SLC38A9: variants seen among roughly 807,000 people sequenced by gnomAD.
SLC38A9 encodes solute carrier family 38 member 9, also known as neutral amino acid transporter 9.
In SLC38A9, 48 loss-of-function variants were observed where a neutral mutation model predicts 62.3. The ratio of observed to expected loss-of-function variants is 0.77; its 90% CI spans 0.61 to 0.98. The LOEUF is 0.98. Among genes scored for constraint, SLC38A9 ranks in the 50% least tolerant of loss-of-function variants. SLC38A9 has a pLI of 0.00. For missense variants in SLC38A9, 541 were observed against 679.8 expected, an observed-to-expected ratio of 0.80 and a Z score of 2.27; for synonymous variants, 204 against 227.7, an observed-to-expected ratio of 0.90 and a Z score of 0.94.
chr5:55,698,843 G>T (rs767397091), intron 2 of SLC38A9, among the ~76,000 whole-genome samples: 1 of 152,058 alleles, frequency 6.6e-6, no homozygotes, highest in Non-Finnish European at 1.5e-5. Context: ...AGGCTGAAGC[G>T]GGAGGATTGC....
intron 8 of SLC38A9, chr5:55,658,042 C>T (rs1748766659): frequency 6.6e-6 from 1 of 152,174 alleles, no homozygotes; most frequent in South Asian, 2.1e-4. Context: ...AATTTATGTC[C>T]ACTAGAAACC....
At chr5:55,663,158 G>A (rs952159812) in intron 8 of SLC38A9, among the ~76,000 whole-genome samples, 8 of 151,826 alleles carry the variant, frequency 5.3e-5, no homozygotes, top group South Asian at 2.1e-4. Flanking sequence ...TCCTCCCAAA[G>A]TGCTGCGATT....
Position 55,645,827 on chromosome 5 carries a change from T to C in SLC38A9, c.1129A>G (p.Ile377Val). 1.2e-6 allele frequency: 2 copies of C among 1,612,144 alleles called. No homozygotes were observed. The highest frequency in any genetic ancestry group is 1.7e-6 in the Non-Finnish European group (2 of 1,179,172). ...TTCTTGTTGTTCTTCAAGAGTGTGA[T>C]GATACAATTATGAATAAAAAAAGCA... ...TLAFFIHNCI[I>V]TLLKNNKKQE... The change falls in exon 12 of 16, where the codon ATC becomes GTC. Residue 377 changes from isoleucine (I) to valine (V), a missense_variant. By Grantham distance (29) the Ile-to-Val change is conservative (BLOSUM62 3). Transcript: ENST00000396865.
intron 12 of SLC38A9, among the ~76,000 whole-genome samples, chr5:55,642,610 CT>C (rs1213813260): frequency 1.3e-5 from 2 of 152,090 alleles, no homozygotes; most frequent in African/African-American, 4.8e-5. Context: ...CAAGAACAGA[CT>C]GTAAATATCA....
intron 10 of SLC38A9, among the ~76,000 whole-genome samples, chr5:55,650,837 G>A (rs530152679): frequency 5.3e-5 from 8 of 152,278 alleles, no homozygotes; most frequent in Non-Finnish European, 7.3e-5. Flanking sequence ...TGTTGCCCAC[G>A]CTGGAGTGCA....
In SLC38A9 at chr5:55,680,972, C is replaced by T. The variant is rs552885379; in HGVS notation, c.114-8277G>A. On this transcript the variant is annotated intron_variant, in intron 3 of 15. Transcript: ENST00000396865. ...TGCCCTGCCAACTGGCTCCTATCAA[C>T]TAATTTTTATCCATAGGAAAGTTTT... Among the ~76,000 whole-genome samples the T allele has an allele frequency of 2.0e-5, 3 of 152,262 alleles. No homozygotes were observed. The South Asian group carries it at 6.2e-4, about 32-fold the overall frequency.
chr5:55,674,951 A>G (rs1751875028), intron 3 of SLC38A9, among the ~76,000 whole-genome samples: 1 of 152,210 alleles, frequency 6.6e-6, no homozygotes, highest in African/African-American at 2.4e-5. Context: ...GTCACACTCT[A>G]TAGTGCATTC....
chr5:55,654,861 A>T (rs1223560309), intron 9 of SLC38A9, among the ~76,000 whole-genome samples: 1 of 151,670 alleles, frequency 6.6e-6, no homozygotes, highest in Non-Finnish European at 1.5e-5. Flanking sequence ...TTTTTTTTTG[A>T]GACAGGATCT....
chr5:55,636,380 T>C (rs181733707), intron 12 of SLC38A9, among the ~76,000 whole-genome samples: 7 of 152,326 alleles, frequency 4.6e-5, no homozygotes, highest in Non-Finnish European at 1.0e-4. Context: ...AGCTCCAAGA[T>C]ATTTAATGTA....
intron 14 of SLC38A9, among the ~76,000 whole-genome samples, chr5:55,631,141 C>T (rs767473662): frequency 3.3e-5 from 5 of 151,910 alleles, no homozygotes; most frequent in Admixed American, 6.6e-5. Context: ...CTCAAAAAAA[C>T]GAAAAACAAA....
At chr5:55,629,159 A>G (rs1049439923) in intron 14 of SLC38A9, among the ~76,000 whole-genome samples, 1 of 152,160 alleles carries the variant, frequency 6.6e-6, no homozygotes, top group Non-Finnish European at 1.5e-5. Flanking sequence ...CTTTGTATAC[A>G]CAGAGGGAGG....
At chr5:55,663,184 C>T (rs891775067) in intron 8 of SLC38A9, among the ~76,000 whole-genome samples, 4 of 150,354 alleles carry the variant, frequency 2.7e-5, no homozygotes, top group African/African-American at 7.3e-5. Flanking sequence ...CGTGGGCCAC[C>T]GTGCCTGGCC....
At chr5:55,671,531 G>T (rs545065844) in intron 4 of SLC38A9, among the ~76,000 whole-genome samples, 190 of 149,144 alleles carry the variant, frequency 1.3e-3, no homozygotes, top group Admixed American at 1.9e-3. Flanking sequence ...AAGAGATGGG[G>T]TCACATGGCC....
intron 11 of SLC38A9, among the ~76,000 whole-genome samples, chr5:55,647,870 A>G (rs935043768): frequency 7.2e-5 from 11 of 152,218 alleles, no homozygotes; most frequent in African/African-American, 2.7e-4. Flanking sequence ...TGAATAGCAT[A>G]TTCACAGAGT....
intron 13 of SLC38A9, 43 bp downstream of exon 13, chr5:55,635,501 G>C: frequency 1.5e-6 from 2 of 1,370,854 alleles, no homozygotes; most frequent in East Asian, 2.3e-5. Flanking sequence ...ATAAATACAT[G>C]AAAGTGTACA....
intron 15 of SLC38A9, 60 bp downstream of exon 15, chr5:55,627,831 G>C: frequency 9.7e-7 from 1 of 1,028,044 alleles, no homozygotes; most frequent in African/African-American, 1.6e-5. Flanking sequence ...ACAACAACAG[G>C]AAAAGCCTGA....
chr5:55,662,779 T>C (rs2150288589), intron 8 of SLC38A9, among the ~76,000 whole-genome samples: 1 of 151,914 alleles, frequency 6.6e-6, no homozygotes, highest in African/African-American at 2.4e-5. Context: ...AAACACCAAA[T>C]TCAGAGAAGG....
chr5:55,636,957 G>GC (rs1440996093), intron 12 of SLC38A9, among the ~76,000 whole-genome samples: 1 of 152,114 alleles, frequency 6.6e-6, no homozygotes, highest in Non-Finnish European at 1.5e-5. Flanking sequence ...CTGACGGGAG[G>GC]CCAGAGTTCA....
chr5:55,665,892 G>T (rs1424157525), intron 7 of SLC38A9, among the ~76,000 whole-genome samples: 1 of 152,142 alleles, frequency 6.6e-6, no homozygotes, highest in Non-Finnish European at 1.5e-5. Context: ...GAGACCAGGA[G>T]GTTGAGGCTG....
Sources: gnomAD v4.1 joint callset for allele counts (sites outside exome capture counted in the v4.1 genomes callset) on GRCh38, gnomAD v4.1.1 for gene constraint, MANE v1.5 for transcripts, NCBI Gene and HGNC (gene_info 2026-07-23, HGNC 2026-07-21) for gene names.